The following MUC4 variants were observed in gnomAD, a reference collection of about 807,000 sequenced individuals.
MUC4 encodes mucin-4.
MUC4 carries 202 observed loss-of-function variants against 257.9 expected under a neutral mutation model. The observed-to-expected ratio is 0.78, with a 90% CI of 0.70 to 0.88. The LOEUF is 0.88. Ranked by LOEUF, MUC4 falls within the 40% of genes least tolerant of loss-of-function variation. The pLI, the probability that MUC4 is intolerant of heterozygous loss-of-function variation, is 0.00. For missense variants in MUC4, 5,976 were observed against 6,513.7 expected (o/e 0.92, Z 2.84); for synonymous variants, 2,351 against 2,757.1 (o/e 0.85, Z 4.62).
In MUC4 at chr3:195,757,375, C is replaced by T; in HGVS notation, c.14987-47G>A. 4 of 1,523,878 alleles carry T rather than the reference C, an allele frequency of 2.6e-6. No individual in the cohort carries two copies. The highest frequency in any genetic ancestry group is 3.6e-4 in the Middle Eastern group (2 of 5,498). The allele number at this position is 1,523,878 out of a possible 1,614,324, so 94.4% of individuals were successfully genotyped here. A position where few individuals can be genotyped will look rare whatever the true frequency, so the allele number is the denominator to read the frequency against. On this transcript the variant is annotated intron_variant, in intron 17 of 24. Transcript: ENST00000463781. This position sits in a 1 kb window ranked among gnomAD's most constrained non-coding sequence, Gnocchi z 4.8. Reference sequence around the variant, plus strand: ...TGTTGAGAGCTGGGAGACTCCTCGGCTCTGTGGTCTGATTGCTGATACGGG... The same window carrying T: ...TGTTGAGAGCTGGGAGACTCCTCGGTTCTGTGGTCTGATTGCTGATACGGG...
At chr3:195,751,323 G>T (rs1340090904) in intron 21 of MUC4, 52 bp from the exon 22 acceptor site, 2 of 1,384,764 alleles carry the variant, frequency 1.4e-6, no homozygotes, top group Non-Finnish European at 2.0e-6. Context: ...ATCCGGGGGG[G>T]AGACGCCCTC....
Position 195,747,114 on chromosome 3 carries a change from C to A in MUC4, c.*62G>T, listed in dbSNP as rs558034621. 15 of 1,594,116 alleles carry A rather than the reference C, an allele frequency of 9.4e-6. No individual in the cohort carries two copies. In the South Asian group the frequency reaches 1.4e-4, roughly 15 times the overall value. Reference sequence around the variant, plus strand: ...TTTTCCAGTCTCCCAAAAGCAATGGCGCCTTAAATGTGCGGTAAGGATGAG... The same window carrying A: ...TTTTCCAGTCTCCCAAAAGCAATGGAGCCTTAAATGTGCGGTAAGGATGAG... On this transcript the variant is annotated 3_prime_UTR_variant, in exon 25 of 25. Transcript: ENST00000463781.
chr3:195,767,684 CTGG>C (rs1721384259), intron 7 of MUC4, among the ~76,000 whole-genome samples: 13 of 1,306 alleles, frequency 1.0e-2, no homozygotes, highest in Non-Finnish European at 0.018. Flanking sequence ...ACCACCATCA[CTGG>C]CCACCCCCCA....
In MUC4 at chr3:195,786,457, C is replaced by T. The variant is rs1395597961; in HGVS notation, c.5123G>A (p.Gly1708Asp). ...PVTDVSSAST[G>D]QATPLPVTSL... Reference sequence around the variant, plus strand: ...GGTGACAGGAAGAGGGGTGGCCTGACCTGTGGATGCCGAGGAAACGTCGGT... The same window carrying T: ...GGTGACAGGAAGAGGGGTGGCCTGATCTGTGGATGCCGAGGAAACGTCGGT... The change falls in exon 2 of 25, where the codon GGT becomes GAT. Residue 1708 changes from glycine (G) to aspartate (D), a missense_variant. Gly to Asp is a moderately conservative substitution (Grantham distance 94, BLOSUM62 -1). This residue lies in a region of MUC4 where 138 missense variants were observed against 107.8 expected (regional missense o/e 1.28). Transcript: ENST00000463781. The T allele has an allele frequency of 1.3e-6, 2 of 1,523,200 alleles. No individual in the cohort carries two copies. Among genetic ancestry groups the T allele is most frequent in the South Asian group, 1.2e-5 (1 of 82,852 alleles). The allele number at this position is 1,523,200 out of a possible 1,614,324, so 94.4% of individuals were successfully genotyped here.
chr3:195,747,267 A>C lies in MUC4; in HGVS notation c.16148T>G (p.Leu5383Arg), dbSNP rs140904478. 2.5e-6 allele frequency: 4 copies of C among 1,614,090 alleles called. No homozygotes were observed. The highest frequency in any genetic ancestry group is 2.7e-5 in the African/African-American group (2 of 74,932). The change falls in exon 25 of 25, where the codon CTG becomes CGG. Residue 5383 changes from leucine to arginine, a missense_variant. Coordinates refer to ENST00000463781, the MANE Select transcript of MUC4 (RefSeq NM_018406.7). ...FFGALGGLLL[L>R]GVGTFVVLRF... ...CAGGACCACGAACGTCCCGACCCCC[A>C]GCAGCAAGAGGCCGCCCAGGGCCCC...
chr3:195,754,187 T>C (rs1198296475), intron 19 of MUC4, 26 bp downstream of exon 19: 2 of 1,593,100 alleles, frequency 1.3e-6, no homozygotes, highest in South Asian at 2.3e-5. Context: ...CAGAAGCGCC[T>C]GCTCCAGGCC....
chr3:195,789,054 CTG>C lies in MUC4; in HGVS notation c.2524_2525del (p.Gln842ValfsTer36). The stretch of plus-strand genomic sequence containing the variant: ...AGGCGGACAGCAATTCGGTTGTTGA[CTG>C]GGTTGTGTGACTGTCCCTGGAGGGG... Reference protein sequence around the residue: ...SNPSRDSHTTQSTTELLSASA... With the variant: ...SNPSRDSHTTXSTTELLSASA... On this transcript the variant is annotated frameshift_variant, in exon 2 of 25. Coordinates refer to ENST00000463781, the MANE Select transcript of MUC4 (RefSeq NM_018406.7). LOFTEE classifies it high-confidence loss of function. 1 of 1,613,732 alleles carries C rather than the reference CTG, an allele frequency of 6.2e-7. No homozygotes were observed. The highest frequency in any genetic ancestry group is 8.5e-7 in the Non-Finnish European group (1 of 1,179,794).
intron 1 of MUC4, among the ~76,000 whole-genome samples, chr3:195,806,776 T>A (rs377310861): frequency 1.3e-5 from 2 of 152,180 alleles, no homozygotes; most frequent in African/African-American, 4.8e-5. Context: ...GGTTCTATGA[T>A]CTTAAACAAG....
At chr3:195,754,894 C>CATGT (rs1192918610) in intron 18 of MUC4, among the ~76,000 whole-genome samples, 3 of 25,230 alleles carry the variant, frequency 1.2e-4, no homozygotes, top group African/African-American at 3.1e-4. Flanking sequence ...TGTATGTATC[C>CATGT]ATGTATGTAT....
Position 195,746,884 on chromosome 3 carries a change from TCGTGTG to T in MUC4, c.*286_*291del. ...TTAGGGCCATCACCACATTATGAAC[TCGTGTG>T]TGTGTGTGTGTGTGTGCACGCGCGC... On this transcript the variant is annotated 3_prime_UTR_variant, in exon 25 of 25. Coordinates refer to ENST00000463781, the MANE Select transcript of MUC4 (RefSeq NM_018406.7). The T allele has an allele frequency of 2.5e-6, 1 of 401,890 alleles. No homozygotes were observed. Among genetic ancestry groups the T allele is most frequent in the Non-Finnish European group, 4.3e-6 (1 of 230,900 alleles). The allele number at this position is 401,890 out of a possible 1,614,324, so 24.9% of individuals were successfully genotyped here.
At position 195,757,750 on chromosome 3, in the gene MUC4, C is replaced by T. The variant is rs1251771095; in HGVS notation, c.14987-422G>A. On this transcript the variant is annotated intron_variant, in intron 17 of 24. Coordinates refer to ENST00000463781, the MANE Select transcript of MUC4 (RefSeq NM_018406.7). This position sits in a 1 kb window ranked among gnomAD's most constrained non-coding sequence, Gnocchi z 4.8. ...ATCCTTTGCCCTGATTTCTCACCCA[C>T]CCCCCACTTCCTGGACCTTTCCCAG... Among the ~76,000 whole-genome samples the T allele has an allele frequency of 2.6e-5, 4 of 152,096 alleles. No individual in the cohort carries two copies. In the South Asian group the frequency reaches 6.2e-4, roughly 24 times the overall value.
At chr3:195,807,180 T>C (rs1292980510) in intron 1 of MUC4, among the ~76,000 whole-genome samples, 1 of 152,094 alleles carries the variant, frequency 6.6e-6, no homozygotes, top group Non-Finnish European at 1.5e-5. Context: ...TAAACCTCTA[T>C]GAAGTAGGGC....
intron 8 of MUC4, among the ~76,000 whole-genome samples, chr3:195,766,043 C>G (rs1720397326): frequency 1.3e-5 from 2 of 152,148 alleles, no homozygotes; most frequent in South Asian, 2.1e-4. Context: ...TCGCTGCAAC[C>G]TCCACCTCCC....
intron 13 of MUC4, 47 bp from the exon 14 acceptor site, chr3:195,762,301 G>T (rs1372191852): frequency 1.3e-6 from 2 of 1,523,572 alleles, no homozygotes; most frequent in Non-Finnish European, 1.8e-6. Context: ...CGGCACCACG[G>T]CCCGCACCAA....
rs1250518928 is a variant in MUC4 at position 195,811,852 on chromosome 3, A to T, written c.-35T>A. 2 of 1,603,536 alleles carry T rather than the reference A, an allele frequency of 1.2e-6. No homozygotes were observed. On this transcript the variant is annotated 5_prime_UTR_variant, in exon 1 of 25. Transcript: ENST00000463781. ...AAAAGTCCCCCTGGCTCCCTGGGGA[A>T]GCTCCACGGCCCAGCAGCTGCAGTG...
In MUC4 at chr3:195,780,286, T is replaced by G. The variant is rs766555204; in HGVS notation, c.11294A>C (p.Asp3765Ala). 4.7e-5 allele frequency: 70 copies of G among 1,503,378 alleles called. 2 individuals carry two copies. The African/African-American group carries it at 8.2e-4, about 18-fold the overall frequency. 93.1% of individuals were successfully genotyped at this position (1,503,378 alleles called of 1,614,324 possible). Residue 3765 changes from aspartate to alanine, a missense_variant, in exon 2 of 25, where the codon GAC (aspartate) becomes GCC (alanine). Asp to Ala is a moderately radical substitution (Grantham distance 126). Coordinates refer to ENST00000463781, the MANE Select transcript of MUC4 (RefSeq NM_018406.7). ...TGHATPLLVTDASSVSTGHAT... is the reference protein window; with the variant it reads ...TGHATPLLVTAASSVSTGHAT... ...GTGACCTGTGGACACTGAGGAAGCG[T>G]CGGTGACAAGAAGAGGGGTGGCGTG...
At position 195,789,668 on chromosome 3, in the gene MUC4, C is replaced by G; in HGVS notation, c.1912G>C (p.Gly638Arg). Residue 638 changes from glycine to arginine, a missense_variant, in exon 2 of 25, where the codon GGT becomes CGT. Transcript: ENST00000463781. ...GTGGTCTGCGGGGCTTGAGTGTGAC[C>G]CCTTTGGGAAACAGCTGGTGATTCC... Reference protein sequence around the residue: ...PQESPAVSQRGHTQAPQTTQE... With the variant: ...PQESPAVSQRRHTQAPQTTQE... 1 of 1,613,864 alleles carries G rather than the reference C, an allele frequency of 6.2e-7. No individual in the cohort carries two copies. Among genetic ancestry groups the G allele is most frequent in the Non-Finnish European group, 8.5e-7 (1 of 1,179,852 alleles).
chr3:195,781,776 G>C lies in MUC4; in HGVS notation c.9804C>G (p.Thr3268=), dbSNP rs878978364. 8.7e-7 allele frequency: 1 copy of C among 1,146,828 alleles called. No individual in the cohort carries two copies. The highest frequency in any genetic ancestry group is 1.1e-6 in the Non-Finnish European group (1 of 906,136). The allele number at this position is 1,146,828 out of a possible 1,614,324, so 71.0% of individuals were successfully genotyped here. ...CACCTGTGTATGCTGAGGAAGTGTCGGTGACAGGAAGAGAGGTGGTGTCAC... is the reference window on the plus strand; with the variant it reads ...CACCTGTGTATGCTGAGGAAGTGTCCGTGACAGGAAGAGAGGTGGTGTCAC... ...STGDTTSLPV[T]DTSSAYTGDT... is the part of the protein sequence containing the mutation. Residue 3268 remains threonine (T), a synonymous_variant, in exon 2 of 25, where the codon ACC becomes ACG. Coordinates refer to ENST00000463781, the MANE Select transcript of MUC4 (RefSeq NM_018406.7).
chr3:195,765,905 A>G (rs1163560684), intron 8 of MUC4, among the ~76,000 whole-genome samples: 1 of 151,990 alleles, frequency 6.6e-6, no homozygotes, highest in Non-Finnish European at 1.5e-5. Context: ...TGTCCAGCAC[A>G]CGGCAGGTGC....
Sources: allele counts gnomAD v4.1 joint callset (sites outside exome capture counted in the v4.1 genomes callset), GRCh38; gene constraint gnomAD v4.1.1; regional missense constraint gnomAD v4.1.1; non-coding constraint Gnocchi (gnomAD v3.1); transcripts MANE v1.5; gene names NCBI Gene and HGNC (gene_info 2026-07-23, HGNC 2026-07-21).